WDR18: variants seen among roughly 807,000 people sequenced by gnomAD.
WDR18 encodes WD repeat-containing protein 18.
Under a neutral mutation model 49.6 loss-of-function variants are expected in WDR18, and 33 were observed. The observed-to-expected ratio is 0.67, with a 90% CI of 0.50 to 0.89. WDR18 has a LOEUF of 0.89. WDR18 is among the 40% of genes least tolerant of loss of function. The pLI, the probability that WDR18 is intolerant of heterozygous loss-of-function variation, is 0.00. For missense variants in WDR18, 653 were observed against 593.6 expected (o/e 1.10, Z -1.04); for synonymous variants, 315 against 263.6 (o/e 1.19, Z -1.89).
chr19:990,776 C>T (rs1425283172), intron 4 of WDR18, 76 bp from the exon 5 acceptor site: 3 of 1,515,772 alleles, frequency 2.0e-6, no homozygotes, highest in Non-Finnish European at 2.6e-6. Flanking sequence ...GCCTGACCTC[C>T]CTGGTGCCCC....
At chr19:992,212 C>T (rs1309495724) in intron 8 of WDR18, 91 bp downstream of exon 8, 9 of 1,358,904 alleles carry the variant, frequency 6.6e-6, no homozygotes, top group African/African-American at 1.5e-5. Flanking sequence ...TCCTGGCGCC[C>T]GTGCGGCGGT....
chr19:994,497 T>C lies in WDR18; in HGVS notation c.*153T>C, dbSNP rs1446370801. 2 of 1,137,522 alleles carry C rather than the reference T, an allele frequency of 1.8e-6. No individual in the cohort carries two copies. The highest frequency in any genetic ancestry group is 3.1e-5 in the African/African-American group (2 of 63,846). 70.5% of individuals were successfully genotyped at this position (1,137,522 alleles called of 1,614,324 possible). Reference sequence around the variant, plus strand: ...TTCCTCTGTGACTGGGCCGTCTTGGTGTCTCGTGGCACGCGTCACAGTGGT... The same window carrying C: ...TTCCTCTGTGACTGGGCCGTCTTGGCGTCTCGTGGCACGCGTCACAGTGGT... On this transcript the variant is annotated 3_prime_UTR_variant, in exon 10 of 10. Coordinates refer to ENST00000585809, the MANE Select transcript of WDR18 (RefSeq NM_024100.4).
intron 2 of WDR18, among the ~76,000 whole-genome samples, chr19:987,829 G>GTTGTTTTTTTTTTT (rs2038490475): frequency 1.1e-5 from 1 of 91,822 alleles, no homozygotes; most frequent in Non-Finnish European, 2.0e-5. Flanking sequence ...GCCGCCTCCA[G>GTTGTTTTTTTTTTT]TTTTTTTTTT....
intron 2 of WDR18, among the ~76,000 whole-genome samples, chr19:987,862 T>A (rs532424696): frequency 7.1e-6 from 1 of 141,840 alleles, no homozygotes; most frequent in Admixed American, 7.3e-5. Context: ...TCAGATGAAG[T>A]CTCGCTCTGT....
chr19:990,972 T>C lies in WDR18; in HGVS notation c.718T>C (p.Phe240Leu). The C allele has an allele frequency of 6.2e-7, 1 of 1,610,590 alleles. No individual in the cohort carries two copies. The highest frequency in any genetic ancestry group is 1.3e-5 in the African/African-American group (1 of 75,028). Residue 240 changes from phenylalanine (F) to leucine (L), a missense_variant, in exon 5 of 10, where the codon TTC becomes CTC. By Grantham distance (22) the Phe-to-Leu change is conservative (BLOSUM62 0). Coordinates refer to ENST00000585809, the MANE Select transcript of WDR18 (RefSeq NM_024100.4). ...CTGCGGGGGCAGTGAGGGCTCCATC[T>C]TCCAGGTCGACCTCTTCACCTGGGT... ...MFCGGSEGSI[F>L]QVDLFTWPGQ...
intron 2 of WDR18, among the ~76,000 whole-genome samples, chr19:988,728 G>C (rs187055702): frequency 2.6e-5 from 4 of 152,086 alleles, no homozygotes; most frequent in Non-Finnish European, 4.4e-5. Flanking sequence ...GGTGGTGGCC[G>C]GCACCCCTTG....
chr19:985,532 TAGA>T (rs1397792522), intron 1 of WDR18, among the ~76,000 whole-genome samples: 1 of 152,122 alleles, frequency 6.6e-6, no homozygotes, highest in Admixed American at 6.6e-5. Context: ...ACATTATGGA[TAGA>T]AGGATTGGGG....
chr19:989,677 C>T, intron 2 of WDR18, 85 bp from the exon 3 acceptor site: 6 of 1,564,486 alleles, frequency 3.8e-6, no homozygotes, highest in Non-Finnish European at 5.2e-6. Context: ...CATGGCCGTG[C>T]AGTGGTGGGT....
chr19:994,416 T>C lies in WDR18; in HGVS notation c.*72T>C. On this transcript the variant is annotated 3_prime_UTR_variant, in exon 10 of 10. Coordinates refer to ENST00000585809, the MANE Select transcript of WDR18 (RefSeq NM_024100.4). Reference sequence around the variant, plus strand: ...TCCCAGCAACCAGGGCCCGCGGGTGTGGCCCCCACCAGCCCAGGCCTGGAC... The same window carrying C: ...TCCCAGCAACCAGGGCCCGCGGGTGCGGCCCCCACCAGCCCAGGCCTGGAC... 1.1e-5 allele frequency: 17 copies of C among 1,532,514 alleles called. No individual in the cohort carries two copies. The highest frequency in any genetic ancestry group is 1.8e-4 in the Middle Eastern group (1 of 5,566). The allele number at this position is 1,532,514 out of a possible 1,614,324, so 94.9% of individuals were successfully genotyped here.
rs541638566 is a variant in WDR18 at position 985,853 on chromosome 19, G to C, written c.211-12G>C. ...CTGCATGGGGCTCACGAGGCTGACTGTGCATCCTTAGGACCAGCTCCAGCA... is the reference window on the plus strand; with the variant it reads ...CTGCATGGGGCTCACGAGGCTGACTCTGCATCCTTAGGACCAGCTCCAGCA... On this transcript the variant is annotated splice_polypyrimidine_tract_variant and intron_variant, in intron 1 of 9. Coordinates refer to ENST00000585809, the MANE Select transcript of WDR18 (RefSeq NM_024100.4). 1.5e-5 allele frequency: 25 copies of C among 1,613,396 alleles called. No homozygotes were observed. Among genetic ancestry groups the C allele is most frequent in the Non-Finnish European group, 2.0e-5 (24 of 1,179,764 alleles).
chr19:993,195 G>A (rs1211622617), intron 8 of WDR18, among the ~76,000 whole-genome samples: 3 of 152,232 alleles, frequency 2.0e-5, no homozygotes, highest in African/African-American at 4.8e-5. Context: ...AGAAAGTGCC[G>A]GAACTTTCGG....
intron 2 of WDR18, among the ~76,000 whole-genome samples, chr19:986,185 T>C (rs2038472799): frequency 6.6e-6 from 1 of 152,158 alleles, no homozygotes; most frequent in Non-Finnish European, 1.5e-5. Context: ...CTGCCTTGAG[T>C]GCTTGGATAG....
Position 994,547 on chromosome 19 carries a change from G to A in WDR18, c.*203G>A, listed in dbSNP as rs1411970135. 3 of 741,760 alleles carry A rather than the reference G, an allele frequency of 4.0e-6. No homozygotes were observed. The highest frequency in any genetic ancestry group is 1.9e-5 in the South Asian group (1 of 51,548). The allele number at this position is 741,760 out of a possible 1,614,324, so 45.9% of individuals were successfully genotyped here. A position where few individuals can be genotyped will look rare whatever the true frequency, so the allele number is the denominator to read the frequency against. Reference sequence around the variant, plus strand: ...TGCTAGTCTGTTTTTAACAAAAGAGGATGAAAAGCCCCTCCTCTCCGGCCT... The same window carrying A: ...TGCTAGTCTGTTTTTAACAAAAGAGAATGAAAAGCCCCTCCTCTCCGGCCT... On this transcript the variant is annotated 3_prime_UTR_variant, in exon 10 of 10. Transcript: ENST00000585809.
chr19:991,849 G>A (rs1462113404), intron 7 of WDR18, 106 bp from the exon 8 acceptor site: 14 of 1,266,088 alleles, frequency 1.1e-5, no homozygotes, highest in Non-Finnish European at 1.4e-5. Context: ...GCTGTGGGGC[G>A]GGGACTGGCT....
chr19:989,589 G>A (rs1434535944), intron 2 of WDR18, among the ~76,000 whole-genome samples, 173 bp from the exon 3 acceptor site: 4 of 152,288 alleles, frequency 2.6e-5, no homozygotes, highest in African/African-American at 4.8e-5. Context: ...ACGAGGCCCC[G>A]CTGTACCTGC....
intron 8 of WDR18, among the ~76,000 whole-genome samples, chr19:992,478 G>C (rs1241768725): frequency 6.6e-6 from 1 of 152,258 alleles, no homozygotes; most frequent in East Asian, 1.9e-4. Flanking sequence ...TTCACGTCTG[G>C]GCTGCCGAAG....
At chr19:993,447 C>T (rs1464436469) in intron 8 of WDR18, among the ~76,000 whole-genome samples, 2 of 152,256 alleles carry the variant, frequency 1.3e-5, no homozygotes, top group Non-Finnish European at 2.9e-5. Context: ...GCTGCTAGTC[C>T]TCTGTGACCC....
rs1225705152 is a variant in WDR18 at position 989,879 on chromosome 19, G to A, written c.439G>A (p.Val147Ile). 1 of 1,610,546 alleles carries A rather than the reference G, an allele frequency of 6.2e-7. No individual in the cohort carries two copies. Among genetic ancestry groups the A allele is most frequent in the South Asian group, 1.1e-5 (1 of 90,788 alleles). ...AGGGGGCAAGGACTGCCTGGTGCTG[G>A]TTTGGAGCCTCTGCAGGTAGCGCCT... ...ISGGKDCLVL[V>I]WSLCSVLQAD... The change falls in exon 3 of 10, where the codon GTT becomes ATT. Residue 147 changes from valine (V) to isoleucine (I), a missense_variant. By Grantham distance (29) the Val-to-Ile change is conservative. Transcript: ENST00000585809.
chr19:989,827 C>T lies in WDR18; in HGVS notation c.387C>T (p.Phe129=), dbSNP rs370209002. 2.4e-5 allele frequency: 39 copies of T among 1,612,792 alleles called. No individual in the cohort carries two copies. The highest frequency in any genetic ancestry group is 3.1e-5 in the Non-Finnish European group (36 of 1,179,834). ...ACCAGGACGTCTCCTGCCTTCAGTT[C>T]ACAGGGGACAGCAGCCACTTCATCT... ...RHYQDVSCLQ[F]TGDSSHFISG... is the part of the protein sequence containing the mutation. The change falls in exon 3 of 10, where the codon TTC becomes TTT. Residue 129 remains phenylalanine, a synonymous_variant. Coordinates refer to ENST00000585809, the MANE Select transcript of WDR18 (RefSeq NM_024100.4).
Sources: allele counts gnomAD v4.1 joint callset (sites outside exome capture counted in the v4.1 genomes callset), GRCh38; gene constraint gnomAD v4.1.1; transcripts MANE v1.5; gene names NCBI Gene and HGNC (gene_info 2026-07-23, HGNC 2026-07-21).